Variants in LINGO2 observed in about 807,000 individuals in gnomAD.
LINGO2 encodes the protein leucine-rich repeat and immunoglobulin-like domain-containing nogo receptor-interacting protein 2.
Under a neutral mutation model 30.6 loss-of-function variants are expected in LINGO2, and 14 were observed. The observed-to-expected ratio is 0.46, with a 90% confidence interval of 0.30 to 0.72. The LOEUF is 0.72. LINGO2 is among the 30% of genes least tolerant of loss of function. The pLI is 0.07. For missense variants in LINGO2, 729 were observed against 751.7 expected (o/e 0.97, Z 0.35); for synonymous variants, 317 against 288.5 (o/e 1.10, Z -1.00).
chr9:28,108,640 G>A (rs976838810), intron 4 of LINGO2, among the ~76,000 whole-genome samples: 1 of 152,046 alleles, frequency 6.6e-6, no homozygotes, highest in African/African-American at 2.4e-5. Flanking sequence ...TTTGTTCAGA[G>A]TAAAAAAGGC....
intron 5 of LINGO2, among the ~76,000 whole-genome samples, chr9:28,002,525 A>G (rs10968265): frequency 0.27 from 41,520 of 152,070 alleles, 6,736 homozygotes; most frequent in East Asian, 0.44. Context: ...ATATTCTTAT[A>G]TATTTTTAAA....
intron 4 of LINGO2, among the ~76,000 whole-genome samples, chr9:28,255,832 T>C (rs1822365381): frequency 6.6e-6 from 1 of 152,112 alleles, no homozygotes; most frequent in Non-Finnish European, 1.5e-5. Flanking sequence ...AAAGTGAAAC[T>C]TCTGCTGCTG....
At chr9:28,201,770 C>G (rs1328721117) in intron 4 of LINGO2, among the ~76,000 whole-genome samples, 2 of 151,942 alleles carry the variant, frequency 1.3e-5, no homozygotes, top group Non-Finnish European at 2.9e-5. Context: ...CCCCCACATC[C>G]TTTCTCCCCT....
chr9:28,863,376 A>T, the LINGO2 span, among the ~76,000 whole-genome samples: 2 of 152,146 alleles, frequency 1.3e-5, no homozygotes, highest in African/African-American at 4.8e-5. Context: ...ACTTTTCAAA[A>T]AAAGAACAGT....
intron 2 of LINGO2, among the ~76,000 whole-genome samples, chr9:28,462,232 G>A (rs1375369762): frequency 6.6e-6 from 1 of 151,902 alleles, no homozygotes; most frequent in Non-Finnish European, 1.5e-5. Context: ...CATTATAATT[G>A]TTAGTAACTG....
At chr9:28,220,821 A>G (rs1446326397) in intron 4 of LINGO2, among the ~76,000 whole-genome samples, 1 of 152,124 alleles carries the variant, frequency 6.6e-6, no homozygotes, top group Non-Finnish European at 1.5e-5. Flanking sequence ...TCCATTGCAA[A>G]ACAAGCAAGC....
At chr9:28,246,100 A>T (rs1028848182) in intron 4 of LINGO2, among the ~76,000 whole-genome samples, 2 of 152,254 alleles carry the variant, frequency 1.3e-5, no homozygotes, top group South Asian at 4.1e-4. Context: ...AAACAGACAC[A>T]TAGACAACTG....
intron 1 of LINGO2, among the ~76,000 whole-genome samples, chr9:28,647,189 G>A (rs868155486): frequency 2.0e-5 from 3 of 152,018 alleles, no homozygotes; most frequent in Non-Finnish European, 4.4e-5. Flanking sequence ...AAAATGATAC[G>A]TAGAGATATG....
At chr9:28,823,482 T>A in the LINGO2 span, among the ~76,000 whole-genome samples, 2 of 152,176 alleles carry the variant, frequency 1.3e-5, no homozygotes, top group African/African-American at 4.8e-5. Flanking sequence ...TATGGTACTA[T>A]CTCTGAACCT....
At chr9:29,193,425 G>C in the LINGO2 span, among the ~76,000 whole-genome samples, 1 of 152,084 alleles carries the variant, frequency 6.6e-6, no homozygotes, top group Non-Finnish European at 1.5e-5. Context: ...CAGTCATAAT[G>C]ATCCTCCTGG....
the LINGO2 span, among the ~76,000 whole-genome samples, chr9:28,695,854 C>A: frequency 1.6e-4 from 25 of 151,542 alleles, no homozygotes; most frequent in Admixed American, 4.6e-4. Flanking sequence ...AGCATAACTT[C>A]CCCAATTGAT....
At chr9:28,848,397 G>A in the LINGO2 span, among the ~76,000 whole-genome samples, 3,645 of 47,832 alleles carry the variant, frequency 0.076, 204 homozygotes, top group African/African-American at 0.17. Context: ...GTGTGTGTGT[G>A]TATATATATA....
chr9:28,506,246 C>G (rs540545807), intron 1 of LINGO2, among the ~76,000 whole-genome samples: 1 of 151,206 alleles, frequency 6.6e-6, no homozygotes, highest in East Asian at 1.9e-4. Flanking sequence ...CAAGTCATAA[C>G]TTGGAGGCTC....
At chr9:27,979,940 T>A (rs1820776258) in intron 5 of LINGO2, among the ~76,000 whole-genome samples, 1 of 151,946 alleles carries the variant, frequency 6.6e-6, no homozygotes, top group Admixed American at 6.6e-5. Context: ...GGAGGAAGAA[T>A]CATATCTCAT....
the LINGO2 span, among the ~76,000 whole-genome samples, chr9:28,692,124 T>C: frequency 1.3e-5 from 2 of 152,144 alleles, no homozygotes; most frequent in African/African-American, 4.8e-5. Flanking sequence ...CACTATGATA[T>C]TCTCATATCA....
At chr9:28,907,805 G>T in the LINGO2 span, among the ~76,000 whole-genome samples, 1 of 151,586 alleles carries the variant, frequency 6.6e-6, no homozygotes, top group Admixed American at 6.6e-5. Flanking sequence ...TAGTTGATAG[G>T]GGCTAATGGA....
chr9:28,715,857 G>A, the LINGO2 span, among the ~76,000 whole-genome samples: 60 of 152,164 alleles, frequency 3.9e-4, 1 homozygote, highest in African/African-American at 1.4e-3. Flanking sequence ...AATGATGCCT[G>A]CCTATATTGG....
chr9:28,430,109 CG>C (rs1823598648), intron 2 of LINGO2, among the ~76,000 whole-genome samples: 1 of 136,100 alleles, frequency 7.3e-6, no homozygotes, highest in African/African-American at 2.6e-5. Flanking sequence ...CGCGCGCGCG[CG>C]TGTGTGTGTG....
chr9:28,374,925 A>G (rs1016236953), intron 2 of LINGO2, among the ~76,000 whole-genome samples: 1 of 152,296 alleles, frequency 6.6e-6, no homozygotes, highest in Non-Finnish European at 1.5e-5. Flanking sequence ...ACAGGAAATT[A>G]AAAAGATAAG....
Sources: allele counts gnomAD v4.1 joint callset (sites outside exome capture counted in the v4.1 genomes callset), GRCh38; gene constraint gnomAD v4.1.1; transcripts MANE v1.5; gene names NCBI Gene and HGNC (gene_info 2026-07-23, HGNC 2026-07-21).